The following CDH8 variants were observed in gnomAD, a reference collection of about 807,000 sequenced individuals.
CDH8 encodes cadherin 8.
A neutral mutation model predicts 68.1 loss-of-function variants in CDH8; 17 were observed. That is an observed-to-expected ratio of 0.25 (90% confidence interval 0.17 to 0.37). The LOEUF (loss-of-function observed/expected upper bound fraction) is 0.37, where lower values mean the gene tolerates loss of function less well. Ranked by LOEUF, CDH8 falls within the 10% of genes least tolerant of loss-of-function variation. The probability of loss-of-function intolerance (pLI) is 1.00; values close to 1 mark genes in which losing one functional copy is unlikely to be tolerated. For synonymous variants in CDH8, 372 were observed against 365.1 expected, an observed-to-expected ratio of 1.02 and a Z score of -0.21; for missense variants, 763 against 999.3, an observed-to-expected ratio of 0.76 and a Z score of 3.19.
chr16:61,977,135 A>G (rs1245628663), intron 2 of CDH8, among the ~76,000 whole-genome samples: 2 of 152,134 alleles, frequency 1.3e-5, no homozygotes, highest in South Asian at 2.1e-4. Context: ...CTTTACTTCT[A>G]TAGAATTCAA....
chr16:62,013,328 A>G (rs1024530966), intron 2 of CDH8, among the ~76,000 whole-genome samples: 2 of 150,786 alleles, frequency 1.3e-5, no homozygotes, highest in African/African-American at 2.4e-5. Flanking sequence ...GGCAATGTGT[A>G]TGCATTTGTG....
At chr16:61,994,935 T>C (rs888056665) in intron 2 of CDH8, among the ~76,000 whole-genome samples, 4 of 152,224 alleles carry the variant, frequency 2.6e-5, no homozygotes, top group East Asian at 3.9e-4. Context: ...TACAATTTTA[T>C]TGAAGTTATA....
chr16:61,869,160 C>T (rs16964015), intron 3 of CDH8, among the ~76,000 whole-genome samples: 3,816 of 152,224 alleles, frequency 0.025, 160 homozygotes, highest in African/African-American at 0.087. Flanking sequence ...TTAGTCCCTT[C>T]TTCTCACACT....
At chr16:61,693,705 C>T in intron 10 of CDH8, 1 of 152,024 alleles carries the variant, frequency 6.6e-6, no homozygotes, top group East Asian at 1.9e-4. Context: ...CAGAGACAGA[C>T]ATAAAGAAGA....
chr16:62,008,306 C>A (rs1901720323), intron 2 of CDH8, among the ~76,000 whole-genome samples: 1 of 152,054 alleles, frequency 6.6e-6, no homozygotes, highest in African/African-American at 2.4e-5. Context: ...TATGTCTCAC[C>A]CTCTATTTGC....
intron 9 of CDH8, among the ~76,000 whole-genome samples, chr16:61,722,155 T>A (rs1475968576): frequency 6.6e-6 from 1 of 150,846 alleles, no homozygotes; most frequent in Non-Finnish European, 1.5e-5. Context: ...GTCACAGGTA[T>A]CTTCCATTCT....
At chr16:61,752,782 G>A (rs1371808545) in intron 8 of CDH8, among the ~76,000 whole-genome samples, 3 of 152,146 alleles carry the variant, frequency 2.0e-5, no homozygotes, top group African/African-American at 4.8e-5. Context: ...ACAAGTTTAC[G>A]AGTATTACAG....
chr16:61,875,873 T>A (rs910417742), intron 3 of CDH8, among the ~76,000 whole-genome samples: 2 of 152,152 alleles, frequency 1.3e-5, no homozygotes, highest in Admixed American at 6.5e-5. Flanking sequence ...TTTTCTTTTC[T>A]TCTCCCTGCC....
chr16:61,951,022 T>C (rs1346405579), intron 2 of CDH8, among the ~76,000 whole-genome samples: 1 of 151,992 alleles, frequency 6.6e-6, no homozygotes, highest in African/African-American at 2.4e-5. Flanking sequence ...AACAAACCTG[T>C]ACACTTACCC....
chr16:61,933,716 AT>A (rs369323836), intron 2 of CDH8, among the ~76,000 whole-genome samples: 1 of 151,690 alleles, frequency 6.6e-6, no homozygotes, highest in African/African-American at 2.4e-5. Flanking sequence ...GCTGGTGGTG[AT>A]TTTTTTTGTT....
intron 5 of CDH8, among the ~76,000 whole-genome samples, chr16:61,822,308 G>C (rs543351149): frequency 1.3e-4 from 17 of 130,906 alleles, no homozygotes; most frequent in Non-Finnish European, 1.9e-4. Context: ...TCCCATCTCC[G>C]AGTTAAACTT....
chr16:61,976,696 C>T (rs1965441055), intron 2 of CDH8, among the ~76,000 whole-genome samples: 1 of 152,154 alleles, frequency 6.6e-6, no homozygotes, highest in Non-Finnish European at 1.5e-5. Flanking sequence ...TTAAGAAGGA[C>T]AGTTTATAAT....
At chr16:61,853,362 A>AT (rs1455358319) in intron 4 of CDH8, among the ~76,000 whole-genome samples, 1 of 152,096 alleles carries the variant, frequency 6.6e-6, no homozygotes, top group Non-Finnish European at 1.5e-5. Flanking sequence ...GCCCTGGTTT[A>AT]TTTTTTGTTA....
chr16:61,682,093 C>CA (rs765897808), intron 10 of CDH8, among the ~76,000 whole-genome samples: 1 of 151,686 alleles, frequency 6.6e-6, no homozygotes, highest in Non-Finnish European at 1.5e-5. Flanking sequence ...TCTTCTATAA[C>CA]AAAAAAAGAT....
intron 7 of CDH8, among the ~76,000 whole-genome samples, chr16:61,791,162 T>G (rs1364994433): frequency 6.6e-6 from 1 of 151,974 alleles, no homozygotes; most frequent in African/African-American, 2.4e-5. Flanking sequence ...AGACACTGAC[T>G]TTTACCTGTA....
At chr16:61,973,822 T>C (rs954513672) in intron 2 of CDH8, among the ~76,000 whole-genome samples, 3 of 152,216 alleles carry the variant, frequency 2.0e-5, no homozygotes, top group African/African-American at 4.8e-5. Flanking sequence ...TATCCAGTCA[T>C]TCTACACTGA....
chr16:61,976,350 T>C (rs1965433937), intron 2 of CDH8, among the ~76,000 whole-genome samples: 1 of 152,192 alleles, frequency 6.6e-6, no homozygotes, highest in African/African-American at 2.4e-5. Context: ...TAATTTATTT[T>C]AGGAATAGCC....
chr16:61,655,397 T>A (rs1220922078), intron 11 of CDH8, 73 bp downstream of exon 11: 2 of 1,426,390 alleles, frequency 1.4e-6, no homozygotes, highest in Middle Eastern at 1.8e-4. Context: ...TAGATCAGAG[T>A]TTTCTGTCCT....
intron 10 of CDH8, among the ~76,000 whole-genome samples, chr16:61,666,154 G>A (rs1963672424): frequency 6.7e-6 from 1 of 150,184 alleles, no homozygotes; most frequent in Non-Finnish European, 1.5e-5. Flanking sequence ...TTTTGGTTCA[G>A]GTTGAAAAAA....
Sources: allele counts gnomAD v4.1 joint callset (sites outside exome capture counted in the v4.1 genomes callset), GRCh38; gene constraint gnomAD v4.1.1; transcripts MANE v1.5; gene names NCBI Gene and HGNC (gene_info 2026-07-23, HGNC 2026-07-21).